HS3ST5: variants seen among roughly 807,000 people sequenced by gnomAD.
The protein encoded by HS3ST5 is heparan sulfate glucosamine 3-O-sulfotransferase 5.
In HS3ST5, 10 loss-of-function variants were observed where a neutral mutation model predicts 25.4. The ratio of observed to expected loss-of-function variants is 0.39; its 90% CI spans 0.24 to 0.67. The LOEUF is 0.67. Among genes scored for constraint, HS3ST5 ranks in the 30% least tolerant of loss-of-function variants. The pLI is 0.44. For synonymous variants in HS3ST5, 170 were observed against 162.4 expected, an observed-to-expected ratio of 1.05 and a Z score of -0.36; for missense variants, 324 against 420.7, an observed-to-expected ratio of 0.77 and a Z score of 2.01.
chr6:114,300,818 T>G (rs1348353484), intron 1 of HS3ST5, among the ~76,000 whole-genome samples: 1 of 152,016 alleles, frequency 6.6e-6, no homozygotes, highest in Non-Finnish European at 1.5e-5. Flanking sequence ...TACTGTACAG[T>G]AAAAAGGAAT....
At chr6:114,093,349 TTGTTTG>T (rs1393423171) in intron 3 of HS3ST5, among the ~76,000 whole-genome samples, 82 of 98,228 alleles carry the variant, frequency 8.3e-4, no homozygotes, top group East Asian at 8.2e-3. Context: ...TTTTGTTTGT[TTGTTTG>T]TGTGTGTGTG....
chr6:114,164,153 C>CTA (rs5879250), intron 3 of HS3ST5, among the ~76,000 whole-genome samples: 4 of 151,960 alleles, frequency 2.6e-5, no homozygotes, highest in African/African-American at 4.8e-5. Flanking sequence ...ATTTTTTTTG[C>CTA]TATTTCACTA....
chr6:114,200,282 A>G (rs1170063374), intron 2 of HS3ST5, among the ~76,000 whole-genome samples: 1 of 152,216 alleles, frequency 6.6e-6, no homozygotes, highest in African/African-American at 2.4e-5. Context: ...ACAATAAGCA[A>G]ACACAGATGA....
At chr6:114,322,086 G>T (rs1206423548) in intron 1 of HS3ST5, among the ~76,000 whole-genome samples, 1 of 152,018 alleles carries the variant, frequency 6.6e-6, no homozygotes, top group Non-Finnish European at 1.5e-5. Context: ...GATAATTCTT[G>T]TTAGTAGCAT....
At chr6:114,322,102 A>G (rs943027944) in intron 1 of HS3ST5, among the ~76,000 whole-genome samples, 1 of 152,176 alleles carries the variant, frequency 6.6e-6, no homozygotes, top group Non-Finnish European at 1.5e-5. Flanking sequence ...AGCATTAACT[A>G]CAAGTAATAG....
chr6:114,072,661 A>C (rs1165529637), intron 3 of HS3ST5, among the ~76,000 whole-genome samples: 2 of 152,140 alleles, frequency 1.3e-5, no homozygotes, highest in Admixed American at 1.3e-4. Flanking sequence ...GTGGTAGCTT[A>C]AAATTGGCCA....
intron 1 of HS3ST5, among the ~76,000 whole-genome samples, chr6:114,335,899 G>A (rs548318944): frequency 7.9e-5 from 12 of 151,974 alleles, no homozygotes; most frequent in South Asian, 6.3e-4. Context: ...TGATCTACCC[G>A]CTTCGGCCTC....
chr6:114,283,106 A>G (rs1418412225), intron 1 of HS3ST5, among the ~76,000 whole-genome samples: 1 of 152,008 alleles, frequency 6.6e-6, no homozygotes, highest in African/African-American at 2.4e-5. Context: ...GAAAAAATAA[A>G]AGAATACCAT....
At chr6:114,174,521 G>T (rs1779627085) in intron 2 of HS3ST5, among the ~76,000 whole-genome samples, 1 of 152,092 alleles carries the variant, frequency 6.6e-6, no homozygotes. Context: ...CATACATGAT[G>T]AATGTGTTTC....
At chr6:114,059,674 C>G (rs920587652) in intron 4 of HS3ST5, 1 of 152,350 alleles carries the variant, frequency 6.6e-6, no homozygotes, top group African/African-American at 2.4e-5. Context: ...TCTCCTGCCA[C>G]CAAGTAAGAC....
At chr6:114,281,592 C>A (rs1055868579) in intron 1 of HS3ST5, among the ~76,000 whole-genome samples, 1 of 151,948 alleles carries the variant, frequency 6.6e-6, no homozygotes, top group African/African-American at 2.4e-5. Flanking sequence ...AGTGGGAAAT[C>A]AAACTTGGAG....
chr6:114,310,113 G>GA (rs1035621401), intron 1 of HS3ST5, among the ~76,000 whole-genome samples: 1 of 152,096 alleles, frequency 6.6e-6, no homozygotes, highest in Non-Finnish European at 1.5e-5. Flanking sequence ...AATGATGGGG[G>GA]AAAAAATTAA....
chr6:114,078,398 C>T (rs1387609248), intron 3 of HS3ST5, among the ~76,000 whole-genome samples: 3 of 151,912 alleles, frequency 2.0e-5, no homozygotes, highest in Non-Finnish European at 2.9e-5. Context: ...TTAGTAGAGA[C>T]GGGTTTTCAC....
intron 3 of HS3ST5, among the ~76,000 whole-genome samples, chr6:114,100,002 G>A (rs983595549): frequency 1.3e-5 from 2 of 152,148 alleles, no homozygotes; most frequent in African/African-American, 2.4e-5. Flanking sequence ...TGAAGGAAAA[G>A]AAAGACCCCA....
At chr6:114,335,903 C>T (rs1268633155) in intron 1 of HS3ST5, among the ~76,000 whole-genome samples, 12 of 152,002 alleles carry the variant, frequency 7.9e-5, no homozygotes, top group African/African-American at 2.7e-4. Flanking sequence ...CTACCCGCTT[C>T]GGCCTCCCAA....
At chr6:114,149,173 C>T (rs1176692315) in intron 3 of HS3ST5, among the ~76,000 whole-genome samples, 5 of 152,140 alleles carry the variant, frequency 3.3e-5, no homozygotes, top group East Asian at 1.9e-4. Flanking sequence ...GACAGTGTGG[C>T]GATTCCTCAA....
At chr6:114,079,854 C>T (rs187251967) in intron 3 of HS3ST5, among the ~76,000 whole-genome samples, 38 of 152,310 alleles carry the variant, frequency 2.5e-4, no homozygotes, top group African/African-American at 8.7e-4. Flanking sequence ...TCACCGCAAC[C>T]TCCACCTACC....
At chr6:114,251,808 G>A (rs1772675732) in intron 1 of HS3ST5, 1 of 152,216 alleles carries the variant, frequency 6.6e-6, no homozygotes, top group Non-Finnish European at 1.5e-5. Context: ...CTGAAGAAGT[G>A]GCAATGAGAA....
chr6:114,209,702 T>A (rs934844895), intron 2 of HS3ST5, among the ~76,000 whole-genome samples: 2 of 152,142 alleles, frequency 1.3e-5, no homozygotes, highest in Admixed American at 1.3e-4. Flanking sequence ...AAATAGCCCA[T>A]ATCAGTTAAA....
Sources: gnomAD v4.1 joint callset for allele counts (sites outside exome capture counted in the v4.1 genomes callset) on GRCh38, gnomAD v4.1.1 for gene constraint, MANE v1.5 for transcripts, NCBI Gene and HGNC (gene_info 2026-07-23, HGNC 2026-07-21) for gene names.